RASA3: variants seen among roughly 807,000 people sequenced by gnomAD.
RASA3 encodes RAS p21 protein activator 3.
RASA3 carries 73 observed loss-of-function variants against 110.0 expected under a neutral mutation model. The ratio of observed to expected loss-of-function variants is 0.66; its 90% CI spans 0.55 to 0.81. The LOEUF (loss-of-function observed/expected upper bound fraction) is 0.81, where lower values mean the gene tolerates loss of function less well. Ranked by LOEUF, RASA3 falls within the 30% of genes least tolerant of loss-of-function variation. The pLI, the probability that RASA3 is intolerant of heterozygous loss-of-function variation, is 0.00. For synonymous variants in RASA3, 500 were observed against 451.4 expected (o/e 1.11, Z -1.37); for missense variants, 976 against 1,113.2 (o/e 0.88, Z 1.75).
intron 1 of RASA3, among the ~76,000 whole-genome samples, chr13:114,077,247 G>A (rs1276701976): frequency 1.3e-5 from 2 of 152,172 alleles, no homozygotes; most frequent in Non-Finnish European, 2.9e-5. Flanking sequence ...ACATGAAAAG[G>A]CCGGATCCCC....
intron 14 of RASA3, among the ~76,000 whole-genome samples, chr13:114,013,667 C>T (rs1282258784): frequency 4.2e-5 from 4 of 95,576 alleles, no homozygotes; most frequent in Non-Finnish European, 6.2e-5. Context: ...CCTCTTTGTC[C>T]CTCTCCCTGT....
At chr13:114,123,065 C>A (rs1347846269) in intron 1 of RASA3, among the ~76,000 whole-genome samples, 1 of 152,232 alleles carries the variant, frequency 6.6e-6, no homozygotes, top group South Asian at 2.1e-4. Context: ...GGTGCGTGCC[C>A]GGCATGGAGA....
rs576663765 is a variant in RASA3, at chr13:114,112,760, C to T, written c.55+19675G>A. On this transcript the variant is annotated intron_variant, in intron 1 of 23. Transcript: ENST00000334062. The surrounding 1 kb of genome is among the most constrained non-coding windows in gnomAD (Gnocchi z 4.8). ...GTGCCCCGACTGCCAGCGTCCACTC[C>T]CCGTGGGGCCGCAGGGTACACCAAC... Among the ~76,000 whole-genome samples the T allele has an allele frequency of 2.6e-5, 4 of 152,114 alleles. No individual in the cohort carries two copies. The highest frequency in any genetic ancestry group is 6.5e-5 in the Admixed American group (1 of 15,284).
chr13:114,044,934 T>TA (rs1437871456), intron 3 of RASA3, among the ~76,000 whole-genome samples: 8 of 152,138 alleles, frequency 5.3e-5, no homozygotes, highest in African/African-American at 1.9e-4. Flanking sequence ...TACAAGTCTT[T>TA]AATTTTAGAA....
At chr13:114,082,082 A>G (rs1286303222) in intron 1 of RASA3, among the ~76,000 whole-genome samples, 1 of 152,258 alleles carries the variant, frequency 6.6e-6, no homozygotes, top group Admixed American at 6.5e-5. Context: ...TTGATTAGAA[A>G]GCCTGCAGGT....
chr13:114,092,787 C>T (rs1185072216), intron 1 of RASA3, among the ~76,000 whole-genome samples: 3 of 152,172 alleles, frequency 2.0e-5, no homozygotes, highest in Non-Finnish European at 4.4e-5. Context: ...TATTGTATTA[C>T]AGTCTGTCTC....
chr13:114,132,305 G>T, intron 1 of RASA3, 130 bp downstream of exon 1: 1 of 1,007,400 alleles, frequency 9.9e-7, no homozygotes, highest in South Asian at 2.5e-5. Flanking sequence ...GCCGTTCTCC[G>T]GGGAGCGCGC....
rs570808632 is a variant in RASA3 at position 114,009,935 on chromosome 13, C to CG, written c.1591-472dup. 1.7e-3 allele frequency among the ~76,000 whole-genome samples: 265 copies of CG among 152,262 alleles called. 2 individuals carry two copies. Among genetic ancestry groups the CG allele is most frequent in the African/African-American group, 6.1e-3 (254 of 41,556 alleles). ...GGGGAAGTGGAGGCACCCAGGGATT[C>CG]GGGGGGGCCTTTGCAGCCACCATTC... On this transcript the variant is annotated intron_variant, in intron 16 of 23. Transcript: ENST00000334062.
chr13:114,114,679 G>T lies in RASA3; in HGVS notation c.55+17756C>A, dbSNP rs1317520518. Among the ~76,000 whole-genome samples the T allele has an allele frequency of 6.6e-6, 1 of 152,064 alleles. No individual in the cohort carries two copies. The highest frequency in any genetic ancestry group is 2.1e-4 in the South Asian group (1 of 4,828). On this transcript the variant is annotated intron_variant, in intron 1 of 23. Coordinates refer to ENST00000334062, the MANE Select transcript of RASA3 (RefSeq NM_007368.4). This position sits in a 1 kb window ranked among gnomAD's most constrained non-coding sequence, Gnocchi z 4.8. Reference sequence around the variant, plus strand: ...AGCAACTTGTTTTTCTTCATCCTTCGCCGACCTTTGTTTATGGGTAACCCT... The same window carrying T: ...AGCAACTTGTTTTTCTTCATCCTTCTCCGACCTTTGTTTATGGGTAACCCT...
chr13:114,105,740 T>C (rs1401321607), intron 1 of RASA3, among the ~76,000 whole-genome samples: 2 of 152,244 alleles, frequency 1.3e-5, no homozygotes, highest in South Asian at 4.1e-4. Context: ...CCGTCCGTTG[T>C]CCTGACACCT....
At chr13:114,117,860 C>T (rs1401716896) in intron 1 of RASA3, among the ~76,000 whole-genome samples, 2 of 133,408 alleles carry the variant, frequency 1.5e-5, no homozygotes, top group African/African-American at 2.9e-5. Flanking sequence ...CCTGTATGCA[C>T]ATCTGTGGGT....
intron 1 of RASA3, among the ~76,000 whole-genome samples, chr13:114,125,818 C>T (rs976832280): frequency 2.6e-5 from 4 of 152,106 alleles, no homozygotes; most frequent in Non-Finnish European, 4.4e-5. Context: ...AGACGAGACG[C>T]GCTCAGTGAG....
intron 21 of RASA3, among the ~76,000 whole-genome samples, chr13:113,996,012 T>C (rs1489372188): frequency 1.4e-5 from 1 of 69,380 alleles, no homozygotes; most frequent in African/African-American, 6.1e-5. Flanking sequence ...GAGGCCCGGC[T>C]GATGGGGGAC....
At chr13:114,132,288 C>A in intron 1 of RASA3, 147 bp downstream of exon 1, 1 of 856,686 alleles carries the variant, frequency 1.2e-6, no homozygotes, top group Non-Finnish European at 1.6e-6. Context: ...GCCGCGGAGC[C>A]GGACCAGCCG....
intron 21 of RASA3, among the ~76,000 whole-genome samples, chr13:113,994,420 C>T (rs2053187809): frequency 6.6e-6 from 1 of 152,110 alleles, no homozygotes; most frequent in Non-Finnish European, 1.5e-5. Context: ...AAAAACTTTG[C>T]AGTGAGAGCT....
At chr13:113,996,081 T>TG (rs1254075960) in intron 21 of RASA3, among the ~76,000 whole-genome samples, 2 of 14,624 alleles carry the variant, frequency 1.4e-4, no homozygotes, top group African/African-American at 5.9e-4. Flanking sequence ...GCCCGGCTGA[T>TG]GGGGGGCCCG....
At chr13:114,019,677 T>C (rs182884858) in intron 9 of RASA3, among the ~76,000 whole-genome samples, 1 of 138,518 alleles carries the variant, frequency 7.2e-6, no homozygotes, top group African/African-American at 2.8e-5. Context: ...CCCCCTCAGA[T>C]GGATAGAGCC....
chr13:114,009,446 A>G lies in RASA3; in HGVS notation c.1609T>C (p.Tyr537His). 5 of 1,611,702 alleles carry G rather than the reference A, an allele frequency of 3.1e-6. No homozygotes were observed. Among genetic ancestry groups the G allele is most frequent in the Non-Finnish European group, 4.2e-6 (5 of 1,178,904 alleles). Reference sequence around the variant, plus strand: ...AAGAATTCATAAAATGTAGCCATGTAGGACTCCTTAAAACTCGCCTAAAAT... The same window carrying G: ...AAGAATTCATAAAATGTAGCCATGTGGGACTCCTTAAAACTCGCCTAAAAT... The part of the protein sequence containing the change: ...KSKSASFKES[Y>H]MATFYEFFNE... Residue 537 changes from tyrosine to histidine, a missense_variant, in exon 17 of 24, where the codon TAC becomes CAC. By Grantham distance (83) the Tyr-to-His change is moderately conservative (BLOSUM62 2). Around this residue, in one of 4 missense-constraint regions of RASA3, gnomAD observed 732 missense variants for 779.7 expected, o/e 0.94. Coordinates refer to ENST00000334062, the MANE Select transcript of RASA3 (RefSeq NM_007368.4).
chr13:114,027,956 G>A (rs764660493), intron 5 of RASA3, 29 bp from the exon 6 acceptor site: 60 of 1,590,640 alleles, frequency 3.8e-5, no homozygotes, highest in Admixed American at 1.2e-4. Flanking sequence ...GCGGCGTCAG[G>A]AGGGAGCGCA....
Sources: gnomAD v4.1 joint callset for allele counts (sites outside exome capture counted in the v4.1 genomes callset) on GRCh38, gnomAD v4.1.1 for gene constraint, gnomAD v4.1.1 regional missense constraint, Gnocchi (gnomAD v3.1) non-coding constraint, MANE v1.5 for transcripts, NCBI Gene and HGNC (gene_info 2026-07-23, HGNC 2026-07-21) for gene names.